ACY1: variants seen among roughly 807,000 people sequenced by gnomAD.
The protein encoded by ACY1 is aminoacylase 1.
Under a neutral mutation model 53.3 loss-of-function variants are expected in ACY1, and 38 were observed. The ratio of observed to expected loss-of-function variants is 0.71; its 90% CI spans 0.55 to 0.93. ACY1 has a LOEUF of 0.93. ACY1 is among the 40% of genes least tolerant of loss of function. The pLI, the probability that ACY1 is intolerant of heterozygous loss-of-function variation, is 0.00. For synonymous variants in ACY1, 177 were observed against 202.1 expected, an observed-to-expected ratio of 0.88 and a Z score of 1.05; for missense variants, 484 against 540.9, an observed-to-expected ratio of 0.89 and a Z score of 1.04.
In ACY1 at chr3:51,988,539, C is replaced by G. The variant is rs1701154156; in HGVS notation, c.937C>G (p.Gln313Glu). The G allele has an allele frequency of 4.3e-6, 7 of 1,614,154 alleles. No homozygotes were observed. Among genetic ancestry groups the G allele is most frequent in the Non-Finnish European group, 5.9e-6 (7 of 1,180,012 alleles). ...LEFAQKWMHP[Q>E]VTPTDDSNPW... ...TGTCCCTCAGAAGTGGATGCACCCC[C>G]AAGTGACACCTACTGATGACTCAAA... Residue 313 changes from glutamine (Q) to glutamate (E), a missense_variant, in exon 13 of 15, where the codon CAA becomes GAA. Physicochemically the swap from Gln to Glu is conservative, Grantham distance 29. Transcript: ENST00000636358.
At chr3:51,984,840 GAAA>G (rs1221979628) in intron 2 of ACY1, 1 of 211,534 alleles carries the variant, frequency 4.7e-6, no homozygotes, top group Admixed American at 5.8e-5. Flanking sequence ...AAAAGGAAAA[GAAA>G]AAAAAAAAAC....
intron 12 of ACY1, 99 bp downstream of exon 12, chr3:51,987,723 G>A (rs1246504624): frequency 7.1e-6 from 9 of 1,266,258 alleles, no homozygotes; most frequent in East Asian, 2.5e-5. Flanking sequence ...ATATGTCTGG[G>A]CATTTCTTTA....
At chr3:51,985,077 C>A in intron 2 of ACY1, 130 bp from the exon 3 acceptor site, 1 of 920,634 alleles carries the variant, frequency 1.1e-6, no homozygotes, top group South Asian at 1.4e-5. Context: ...ATGCAAGCAT[C>A]TCTGAGGGAT....
chr3:51,989,114 T>G lies in ACY1; in HGVS notation c.*39T>G. 6.2e-7 allele frequency: 1 copy of G among 1,609,286 alleles called. No homozygotes were observed. Among genetic ancestry groups the G allele is most frequent in the Non-Finnish European group, 8.5e-7 (1 of 1,179,806 alleles). On this transcript the variant is annotated 3_prime_UTR_variant, in exon 15 of 15. Transcript: ENST00000636358. ...TAAACCTTTGCCCCTGGGGCTTCCA[T>G]CCCAACCAGTGCCAAGGACCTCCTC...
rs1231217554 is a variant in ACY1, at chr3:51,989,179, C to T, written c.*104C>T. On this transcript the variant is annotated 3_prime_UTR_variant, in exon 15 of 15. Coordinates refer to ENST00000636358, the MANE Select transcript of ACY1 (RefSeq NM_000666.3). ...TAATAAAGTCTATGGACAGGGCTGTCTCTGAAGTACTAACACAAGGACACT... is the reference window on the plus strand; with the variant it reads ...TAATAAAGTCTATGGACAGGGCTGTTTCTGAAGTACTAACACAAGGACACT... 1.3e-6 allele frequency: 2 copies of T among 1,482,958 alleles called. No individual in the cohort carries two copies. The highest frequency in any genetic ancestry group is 1.9e-6 in the Non-Finnish European group (2 of 1,079,778). The allele number at this position is 1,482,958 out of a possible 1,614,324, so 91.9% of individuals were successfully genotyped here. A position where few individuals can be genotyped will look rare whatever the true frequency, so the allele number is the denominator to read the frequency against.
At chr3:51,986,918 C>A in intron 8 of ACY1, 70 bp from the exon 9 acceptor site, 2 of 1,525,344 alleles carry the variant, frequency 1.3e-6, no homozygotes, top group Admixed American at 1.8e-5. Flanking sequence ...GAGACCTGGG[C>A]CCACCCCAGG....
At chr3:51,984,697 C>T (rs566048881) in intron 2 of ACY1, 123 of 262,244 alleles carry the variant, frequency 4.7e-4, no homozygotes, top group African/African-American at 2.6e-3. Context: ...CACCTGTAGT[C>T]CCAGCTACTC....
At position 51,986,505 on chromosome 3, in the gene ACY1, G is replaced by T; in HGVS notation, c.526+1G>T. On this transcript the variant is annotated splice_donor_variant, in intron 7 of 14. Coordinates refer to ENST00000636358, the MANE Select transcript of ACY1 (RefSeq NM_000666.3). LOFTEE classifies it high-confidence loss of function. ...AGGGCAGGCTTTGCCCTGGATGAGG[G>T]TGAGCAGGTTGGCAAGCCAATGAGC... is the stretch of plus-strand genomic sequence containing the variant. The T allele has an allele frequency of 6.2e-7, 1 of 1,614,158 alleles. No individual in the cohort carries two copies. Among genetic ancestry groups the T allele is most frequent in the Non-Finnish European group, 8.5e-7 (1 of 1,180,020 alleles).
At chr3:51,985,993 A>T (rs1701042382) in intron 5 of ACY1, 47 bp downstream of exon 5, 2 of 1,546,932 alleles carry the variant, frequency 1.3e-6, no homozygotes, top group South Asian at 2.3e-5. Flanking sequence ...CCACTGGTCC[A>T]GTGGATTGAA....
At chr3:51,984,213 G>T in intron 2 of ACY1, 55 bp downstream of exon 2, 1 of 1,544,326 alleles carries the variant, frequency 6.5e-7, no homozygotes. Flanking sequence ...CGGGGACTGT[G>T]CTCTAAACCA....
chr3:51,987,461 C>T lies in ACY1; in HGVS notation c.852+8C>T. 6.2e-7 allele frequency: 1 copy of T among 1,614,172 alleles called. No individual in the cohort carries two copies. On this transcript the variant is annotated splice_region_variant and intron_variant, in intron 11 of 14. Coordinates refer to ENST00000636358, the MANE Select transcript of ACY1 (RefSeq NM_000666.3). ...CCGGATGTGGACTTCAAGGTGCCAC[C>T]TCCACCTGGGTTTGGAGGAGGGATC...
chr3:51,987,374 G>T lies in ACY1; in HGVS notation c.773G>T (p.Gly258Val), dbSNP rs1701108645. 5.6e-6 allele frequency: 9 copies of T among 1,614,202 alleles called. No homozygotes were observed. Among genetic ancestry groups the T allele is most frequent in the Non-Finnish European group, 7.6e-6 (9 of 1,180,050 alleles). Residue 258 changes from glycine (G) to valine (V), a missense_variant, in exon 11 of 15, where the codon GGT (glycine) becomes GTT (valine). By Grantham distance (109) the Gly-to-Val change is moderately radical. Coordinates refer to ENST00000636358, the MANE Select transcript of ACY1 (RefSeq NM_000666.3). ...VTSVNLTKLE[G>V]GVAYNVIPAT... ...TCCGTGAACCTGACTAAGCTAGAGG[G>T]TGGCGTGGCCTATAACGTGATACCT...
rs758737597 is a variant in ACY1 at position 51,987,538 on chromosome 3, T to A, written c.853-18T>A. 6.8e-6 allele frequency: 11 copies of A among 1,614,068 alleles called. No individual in the cohort carries two copies. Among genetic ancestry groups the A allele is most frequent in the Non-Finnish European group, 8.5e-6 (10 of 1,179,968 alleles). On this transcript the variant is annotated intron_variant, in intron 11 of 14. Coordinates refer to ENST00000636358, the MANE Select transcript of ACY1 (RefSeq NM_000666.3). ...CCTCTGGAAAGCCTGAAGGATCAGC[T>A]CGTCTCCCTTCTCTTAGGCTTTTGA...
chr3:51,987,674 CA>C (rs1222996751), intron 12 of ACY1, 50 bp downstream of exon 12: 2 of 1,583,414 alleles, frequency 1.3e-6, no homozygotes, highest in African/African-American at 2.7e-5. Flanking sequence ...GGGGGAGACC[CA>C]AGTGTGCAAC....
rs774268406 is a variant in ACY1, at chr3:51,987,386, A to G, written c.785A>G (p.Tyr262Cys). The G allele has an allele frequency of 2.0e-5, 33 of 1,614,016 alleles. No individual in the cohort carries two copies. Among genetic ancestry groups the G allele is most frequent in the Admixed American group, 5.0e-5 (3 of 59,990 alleles). ...NLTKLEGGVA[Y>C]NVIPATMSAS... The stretch of plus-strand genomic sequence containing the variant: ...ACTAAGCTAGAGGGTGGCGTGGCCT[A>G]TAACGTGATACCTGCCACCATGAGC... Residue 262 changes from tyrosine (Y) to cysteine (C), a missense_variant, in exon 11 of 15, where the codon TAT becomes TGT. Transcript: ENST00000636358.
intron 13 of ACY1, 61 bp downstream of exon 13, chr3:51,988,664 C>A: frequency 1.3e-6 from 2 of 1,490,288 alleles, no homozygotes; most frequent in Non-Finnish European, 1.9e-6. Context: ...TTCCTGCTGC[C>A]CCCTCCCTTC....
At chr3:51,983,712 G>T (rs1411230556) in intron 1 of ACY1, 123 bp downstream of exon 1, 5 of 278,642 alleles carry the variant, frequency 1.8e-5, no homozygotes, top group Non-Finnish European at 2.7e-5. Flanking sequence ...TTTTTTTTTA[G>T]GAGGGCGGGG....
rs756374840 is a variant in ACY1 at position 51,987,323 on chromosome 3, C to T, written c.722C>T (p.Pro241Leu). The T allele has an allele frequency of 2.5e-6, 4 of 1,614,066 alleles. No homozygotes were observed. The Admixed American group carries it at 6.7e-5, about 27-fold the overall frequency. ...EKEWQRLQSN[P>L]HLKEGSVTSV... ...CCACACCACAGGCTGCAGTCAAACC[C>T]CCACCTGAAAGAGGGGTCCGTGACC... is the stretch of plus-strand genomic sequence containing the variant. The change falls in exon 11 of 15, where the codon CCC becomes CTC. Residue 241 changes from proline (P) to leucine (L), a missense_variant. Transcript: ENST00000636358.
chr3:51,986,764 AG>A, intron 8 of ACY1, 103 bp downstream of exon 8: 1 of 1,493,404 alleles, frequency 6.7e-7, no homozygotes, highest in Non-Finnish European at 9.3e-7. Context: ...AGGCCTGAGA[AG>A]GCCTTGAACC....
Sources: gnomAD v4.1 joint callset for allele counts on GRCh38, gnomAD v4.1.1 for gene constraint, MANE v1.5 for transcripts, NCBI Gene and HGNC (gene_info 2026-07-23, HGNC 2026-07-21) for gene names.